PHYH: variants seen among roughly 807,000 people sequenced by gnomAD.
PHYH encodes the protein phytanoyl-CoA dioxygenase, peroxisomal.
Under a neutral mutation model 38.5 loss-of-function variants are expected in PHYH, and 32 were observed. The ratio of observed to expected loss-of-function variants is 0.83; its 90% CI spans 0.63 to 1.12. The LOEUF is 1.12. PHYH is among the 50% of genes most tolerant of loss of function. PHYH has a pLI of 0.00. For missense variants in PHYH, 426 were observed against 434.8 expected (o/e 0.98, Z 0.18); for synonymous variants, 166 against 157.9 (o/e 1.05, Z -0.38).
chr10:13,295,633 A>G, intron 2 of PHYH, 27 bp from the exon 3 acceptor site: 2 of 949,692 alleles, frequency 2.1e-6, no homozygotes, highest in Non-Finnish European at 3.5e-6. Flanking sequence ...ATCCCAAAAT[A>G]AGTTACATTT....
chr10:13,296,421 A>C (rs1164914852), intron 2 of PHYH, among the ~76,000 whole-genome samples: 2 of 151,556 alleles, frequency 1.3e-5, no homozygotes, highest in East Asian at 2.0e-4. Context: ...TACTAAAAAT[A>C]CAAAAATTAG....
chr10:13,296,671 T>A (rs978129513), intron 2 of PHYH, among the ~76,000 whole-genome samples: 1 of 149,508 alleles, frequency 6.7e-6, no homozygotes, highest in African/African-American at 2.5e-5. Context: ...GGCCATATAA[T>A]AGTATGGATG....
chr10:13,283,853 C>T lies in PHYH; in HGVS notation c.679-14G>A, dbSNP rs765090915. 2.5e-5 allele frequency: 41 copies of T among 1,611,172 alleles called. No individual in the cohort carries two copies. The highest frequency in any genetic ancestry group is 3.3e-5 in the Non-Finnish European group (39 of 1,177,452). On this transcript the variant is annotated splice_polypyrimidine_tract_variant and intron_variant, in intron 6 of 8. Coordinates refer to ENST00000263038, the MANE Select transcript of PHYH (RefSeq NM_006214.4). ...GTTAACTCCCCCCTAGAACAAGAGGCAAGTGAAGTCTACATTTGAGGGAGT... is the reference window on the plus strand; with the variant it reads ...GTTAACTCCCCCCTAGAACAAGAGGTAAGTGAAGTCTACATTTGAGGGAGT...
chr10:13,287,801 T>C (rs925715674), intron 6 of PHYH, among the ~76,000 whole-genome samples: 1 of 152,030 alleles, frequency 6.6e-6, no homozygotes, highest in Non-Finnish European at 1.5e-5. Flanking sequence ...GGTCGAAGGG[T>C]TTATGTCTTA....
In PHYH at chr10:13,278,147, C is replaced by G; in HGVS notation, c.*154G>C. 1 of 675,432 alleles carries G rather than the reference C, an allele frequency of 1.5e-6. No homozygotes were observed. The highest frequency in any genetic ancestry group is 2.7e-6 in the Non-Finnish European group (1 of 366,558). The allele number at this position is 675,432 out of a possible 1,614,324, so 41.8% of individuals were successfully genotyped here. A position where few individuals can be genotyped will look rare whatever the true frequency, so the allele number is the denominator to read the frequency against. On this transcript the variant is annotated 3_prime_UTR_variant, in exon 9 of 9. Coordinates refer to ENST00000263038, the MANE Select transcript of PHYH (RefSeq NM_006214.4). ...CCATTAAAGCAACACCATTGTGCTG[C>G]AAAACTAACTCTATGCAATTAAGTA... is the stretch of plus-strand genomic sequence containing the variant.
At position 13,285,642 on chromosome 10, in the gene PHYH, T is replaced by C. The variant is rs190068834; in HGVS notation, c.679-1803A>G. On this transcript the variant is annotated intron_variant, in intron 6 of 8. Coordinates refer to ENST00000263038, the MANE Select transcript of PHYH (RefSeq NM_006214.4). ...TTTTTTGAGATGGAGTCTTGCTTTG[T>C]TGCCCAGGCTGGAATGCAGTGGCGC... 3.5e-4 allele frequency among the ~76,000 whole-genome samples: 52 copies of C among 149,850 alleles called. 1 individual carries two copies. In the East Asian group the frequency reaches 9.1e-3, roughly 26 times the overall value.
intron 8 of PHYH, among the ~76,000 whole-genome samples, chr10:13,279,591 T>C (rs1475214961): frequency 1.3e-5 from 2 of 152,194 alleles, no homozygotes; most frequent in Non-Finnish European, 2.9e-5. Context: ...ATTGACAGCA[T>C]GGAGTTTATA....
At chr10:13,292,844 A>G (rs1835745572) in intron 4 of PHYH, among the ~76,000 whole-genome samples, 1 of 151,600 alleles carries the variant, frequency 6.6e-6, no homozygotes, top group African/African-American at 2.4e-5. Flanking sequence ...GAGGCAGGAG[A>G]ATCACTTGAA....
At chr10:13,281,566 G>A (rs1835415790) in intron 7 of PHYH, among the ~76,000 whole-genome samples, 1 of 152,126 alleles carries the variant, frequency 6.6e-6, no homozygotes, top group Non-Finnish European at 1.5e-5. Context: ...AAAATACCTT[G>A]AGATAGAAAA....
At chr10:13,285,901 GC>G in intron 6 of PHYH, among the ~76,000 whole-genome samples, 1 of 151,098 alleles carries the variant, frequency 6.6e-6, no homozygotes, top group Non-Finnish European at 1.5e-5. Flanking sequence ...ACTGCGCCCA[GC>G]CCAGGATCTT....
chr10:13,294,611 T>G lies in PHYH; in HGVS notation c.246-15A>C, dbSNP rs369766914. 2.8e-5 allele frequency: 45 copies of G among 1,612,934 alleles called. No homozygotes were observed. The African/African-American group carries it at 5.6e-4, about 20-fold the overall frequency. On this transcript the variant is annotated splice_polypyrimidine_tract_variant and intron_variant, in intron 3 of 8. Transcript: ENST00000263038. ...CAAACTCATTCCTAGAAAATTTAAT[T>G]TGCAAATGATGTCGTTACCGCTGGC...
chr10:13,298,961 T>C (rs1377418090), intron 1 of PHYH, among the ~76,000 whole-genome samples: 46 of 61,364 alleles, frequency 7.5e-4, no homozygotes, highest in East Asian at 4.7e-3. Flanking sequence ...ATAATAATAA[T>C]AATAACAACA....
chr10:13,282,267 AAAT>A (rs1315955590), intron 7 of PHYH, among the ~76,000 whole-genome samples: 1 of 151,948 alleles, frequency 6.6e-6, no homozygotes, highest in African/African-American at 2.4e-5. Context: ...ATATATAAAC[AAAT>A]AATAAAATGT....
intron 2 of PHYH, among the ~76,000 whole-genome samples, chr10:13,296,432 C>T (rs1038176634): frequency 2.0e-5 from 3 of 151,028 alleles, no homozygotes; most frequent in Non-Finnish European, 4.4e-5. Context: ...CAAAAATTAG[C>T]GTGCCTGTAA....
intron 1 of PHYH, among the ~76,000 whole-genome samples, chr10:13,298,538 T>G (rs1295044850): frequency 6.6e-6 from 1 of 151,768 alleles, no homozygotes; most frequent in Non-Finnish European, 1.5e-5. Context: ...CCATCTCTAC[T>G]AAAAATACAA....
At position 13,286,715 on chromosome 10, in the gene PHYH, AAC is replaced by A. The variant is rs1395762410; in HGVS notation, c.678+1643_678+1644del. On this transcript the variant is annotated intron_variant, in intron 6 of 8. Coordinates refer to ENST00000263038, the MANE Select transcript of PHYH (RefSeq NM_006214.4). ...ACTCTGTCTCAAAAAAAAAAAAAAAAACAACAAAAAACTACTATCATACACAA... is the reference window on the plus strand; with the variant it reads ...ACTCTGTCTCAAAAAAAAAAAAAAAAAACAAAAAACTACTATCATACACAA... Among the ~76,000 whole-genome samples, 516 of 141,292 alleles carry A rather than the reference AAC, an allele frequency of 3.7e-3. 1 individual carries two copies. The highest frequency in any genetic ancestry group is 0.013 in the African/African-American group (479 of 37,218). The allele number at this position is 141,292 out of a possible 152,430, so 92.7% of individuals were successfully genotyped here. A position where few individuals can be genotyped will look rare whatever the true frequency, so the allele number is the denominator to read the frequency against.
In PHYH at chr10:13,299,747, C is replaced by G. The variant is rs2297708; in HGVS notation, c.75+221G>C. 1,434 of 1,309,062 alleles carry G rather than the reference C, an allele frequency of 1.1e-3. 26 individuals carry two copies. The East Asian group carries it at 0.04, about 37-fold the overall frequency. 81.1% of individuals were successfully genotyped at this position (1,309,062 alleles called of 1,614,324 possible). A position where few individuals can be genotyped will look rare whatever the true frequency, so the allele number is the denominator to read the frequency against. On this transcript the variant is annotated intron_variant, in intron 1 of 8. Transcript: ENST00000263038. Reference sequence around the variant, plus strand: ...GGGCAGGGCAACGCGGCAATTGCCCCGACCCCAGGGCGGCCGCGCGTGTCC... The same window carrying G: ...GGGCAGGGCAACGCGGCAATTGCCCGGACCCCAGGGCGGCCGCGCGTGTCC...
In PHYH at chr10:13,278,031, C is replaced by T; in HGVS notation, c.*270G>A. 1 of 436,082 alleles carries T rather than the reference C, an allele frequency of 2.3e-6. No individual in the cohort carries two copies. Among genetic ancestry groups the T allele is most frequent in the Non-Finnish European group, 4.2e-6 (1 of 236,700 alleles). The allele number at this position is 436,082 out of a possible 1,614,324, so 27.0% of individuals were successfully genotyped here. On this transcript the variant is annotated 3_prime_UTR_variant, in exon 9 of 9. Transcript: ENST00000263038. ...CTGAATGAAAGAAATTGATTTAACA[C>T]TTAAATTAGACACCAACCACCTTTA...
intron 3 of PHYH, chr10:13,294,863 A>G (rs1835803834): frequency 4.2e-6 from 2 of 475,188 alleles, no homozygotes; most frequent in East Asian, 8.4e-5. Context: ...AACAGCAAAC[A>G]TTTCTGTAAC....
Sources: allele counts gnomAD v4.1 joint callset (sites outside exome capture counted in the v4.1 genomes callset), GRCh38; gene constraint gnomAD v4.1.1; transcripts MANE v1.5; gene names NCBI Gene and HGNC (gene_info 2026-07-23, HGNC 2026-07-21).